VPS13B: variants seen among roughly 807,000 people sequenced by gnomAD.
VPS13B encodes the protein vacuolar protein sorting 13 homolog B.
A neutral mutation model predicts 426.4 loss-of-function variants in VPS13B; 285 were observed. The ratio of observed to expected loss-of-function variants is 0.67; its 90% CI spans 0.61 to 0.74. The LOEUF (loss-of-function observed/expected upper bound fraction) is 0.74. Ranked by LOEUF, VPS13B falls within the 30% of genes least tolerant of loss-of-function variation. VPS13B has a pLI of 0.00. For synonymous variants in VPS13B, 1,676 were observed against 1,676.4 expected (o/e 1.00, Z 0.01); for missense variants, 4,537 against 4,782.6 (o/e 0.95, Z 1.51).
intron 19 of VPS13B, among the ~76,000 whole-genome samples, chr8:99,362,775 A>G (rs1812640298): frequency 6.6e-6 from 1 of 152,226 alleles, no homozygotes; most frequent in Non-Finnish European, 1.5e-5. Context: ...TGCAACAAAC[A>G]TGGGAGTGCA....
chr8:99,533,898 A>C (rs1771905120), intron 30 of VPS13B, among the ~76,000 whole-genome samples: 1 of 152,064 alleles, frequency 6.6e-6, no homozygotes, highest in Admixed American at 6.6e-5. Context: ...TCCCCACAAA[A>C]CTGTTTCCTC....
chr8:99,251,943 T>C (rs1481926696), intron 17 of VPS13B, among the ~76,000 whole-genome samples: 2 of 151,892 alleles, frequency 1.3e-5, no homozygotes, highest in African/African-American at 4.8e-5. Flanking sequence ...ATTCCTTATA[T>C]TGGTAATTTA....
chr8:99,369,228 G>A (rs1481272239), intron 19 of VPS13B, among the ~76,000 whole-genome samples: 3 of 152,056 alleles, frequency 2.0e-5, no homozygotes, highest in African/African-American at 4.8e-5. Context: ...ACCTTGAGTC[G>A]CTAGCACAAT....
chr8:99,231,047 G>A (rs141404067), intron 17 of VPS13B, among the ~76,000 whole-genome samples: 4 of 152,298 alleles, frequency 2.6e-5, no homozygotes, highest in African/African-American at 9.6e-5. Context: ...TTAATTACAG[G>A]TAAGCATTCT....
chr8:99,147,953 T>G lies in VPS13B; in HGVS notation c.1956T>G (p.Ile652Met), dbSNP rs904064642. ...CTCTCCTCAAATGTACCTGCACAAT[T>G]TCCATGGCTGAATTCAACTTGCTGG... ...SVTLLKCTCTISMAEFNLLDH... is the reference protein window; with the variant it reads ...SVTLLKCTCTMSMAEFNLLDH... The change falls in exon 14 of 62, where the codon ATT becomes ATG. Residue 652 changes from isoleucine to methionine, a missense_variant. Around this residue, in one of 2 missense-constraint regions of VPS13B, gnomAD observed 4,311 missense variants for 4,474.3 expected, o/e 0.96. Coordinates refer to ENST00000357162, the MANE Select transcript of VPS13B (RefSeq NM_152564.5). 3.7e-6 allele frequency: 6 copies of G among 1,613,814 alleles called. No individual in the cohort carries two copies. The highest frequency in any genetic ancestry group is 5.1e-6 in the Non-Finnish European group (6 of 1,179,904).
At chr8:99,715,396 A>G (rs1346812861) in intron 36 of VPS13B, among the ~76,000 whole-genome samples, 1 of 152,168 alleles carries the variant, frequency 6.6e-6, no homozygotes, top group Non-Finnish European at 1.5e-5. Flanking sequence ...CTTCTCTTTC[A>G]CTCACTCATA....
At chr8:99,543,294 C>T (rs1301125555) in intron 30 of VPS13B, among the ~76,000 whole-genome samples, 2 of 152,126 alleles carry the variant, frequency 1.3e-5, no homozygotes, top group African/African-American at 4.8e-5. Flanking sequence ...TTCCTTACAC[C>T]TTATACAAAA....
rs371132719 is a variant in VPS13B, at chr8:99,615,065, C to T, written c.5221-26746C>T. 1.2e-4 allele frequency among the ~76,000 whole-genome samples: 18 copies of T among 144,060 alleles called. No individual in the cohort carries two copies. The South Asian group carries it at 2.6e-3, about 21-fold the overall frequency. The allele number at this position is 144,060 out of a possible 152,430, so 94.5% of individuals were successfully genotyped here. ...CCAGGAGGCGGAGGCTGCGGTGAGC[C>T]GAGATTGCGCCATTGCACTCCAGCC... On this transcript the variant is annotated intron_variant, in intron 33 of 61. Coordinates refer to ENST00000357162, the MANE Select transcript of VPS13B (RefSeq NM_152564.5).
intron 3 of VPS13B, among the ~76,000 whole-genome samples, chr8:99,068,661 A>T (rs1844681538): frequency 6.6e-6 from 1 of 152,200 alleles, no homozygotes; most frequent in South Asian, 2.1e-4. Context: ...GAAAACTTAC[A>T]ATTATGGCAG....
intron 2 of VPS13B, among the ~76,000 whole-genome samples, chr8:99,017,049 G>C (rs1228597803): frequency 6.6e-6 from 1 of 152,098 alleles, no homozygotes; most frequent in African/African-American, 2.4e-5. Context: ...TTCCCTTGTG[G>C]TTAGGGTTTT....
chr8:99,799,421 A>G (rs1813014671), intron 43 of VPS13B, among the ~76,000 whole-genome samples: 1 of 152,204 alleles, frequency 6.6e-6, no homozygotes, highest in African/African-American at 2.4e-5. Context: ...CTTACTGGGA[A>G]AGAAAACCAA....
chr8:99,832,415 G>C lies in VPS13B; in HGVS notation c.9377G>C (p.Gly3126Ala). 1 of 1,566,762 alleles carries C rather than the reference G, an allele frequency of 6.4e-7. No homozygotes were observed. The highest frequency in any genetic ancestry group is 8.6e-7 in the Non-Finnish European group (1 of 1,156,888). ...DSATFSICPG[G>A]EQPAMKSSSL... ...GCTACTTTTAGCATTTGCCCAGGTG[G>C]AGAGCAGCCTGCTATGAAATCCAGC... Residue 3126 changes from glycine to alanine, a missense_variant, in exon 52 of 62, where the codon GGA becomes GCA. Around this residue, in one of 2 missense-constraint regions of VPS13B, gnomAD observed 4,311 missense variants for 4,474.3 expected, o/e 0.96. Coordinates refer to ENST00000357162, the MANE Select transcript of VPS13B (RefSeq NM_152564.5).
At chr8:99,149,747 G>A (rs537741693) in intron 14 of VPS13B, among the ~76,000 whole-genome samples, 1 of 152,200 alleles carries the variant, frequency 6.6e-6, no homozygotes. Flanking sequence ...AGAAAGAGGT[G>A]AATGGCAGGT....
intron 35 of VPS13B, among the ~76,000 whole-genome samples, chr8:99,676,586 T>A (rs1830942746): frequency 6.6e-6 from 1 of 151,896 alleles, no homozygotes; most frequent in Admixed American, 6.6e-5. Context: ...AGGGGAGAGT[T>A]GACACAGAGA....
intron 33 of VPS13B, among the ~76,000 whole-genome samples, chr8:99,638,712 C>G (rs1036436853): frequency 2.6e-5 from 4 of 152,102 alleles, no homozygotes; most frequent in Admixed American, 2.6e-4. Flanking sequence ...ATGATCAGCC[C>G]ACAAGGTAGA....
intron 16 of VPS13B, among the ~76,000 whole-genome samples, chr8:99,172,810 G>A (rs1812417489): frequency 6.6e-6 from 1 of 152,108 alleles, no homozygotes; most frequent in Non-Finnish European, 1.5e-5. Context: ...CATTATCCCA[G>A]TTACTGAGTC....
intron 34 of VPS13B, among the ~76,000 whole-genome samples, chr8:99,657,206 C>G (rs1436770703): frequency 2.0e-5 from 3 of 152,166 alleles, no homozygotes; most frequent in African/African-American, 7.2e-5. Context: ...GGTCCTCTAA[C>G]TTGTGCCAAA....
At chr8:99,398,044 G>GA (rs1588330846) in intron 21 of VPS13B, among the ~76,000 whole-genome samples, 1 of 151,906 alleles carries the variant, frequency 6.6e-6, no homozygotes, top group African/African-American at 2.4e-5. Context: ...CTGAATTTTG[G>GA]AAAAAAATAG....
At chr8:99,672,034 T>C (rs1431415954) in intron 35 of VPS13B, among the ~76,000 whole-genome samples, 1 of 152,190 alleles carries the variant, frequency 6.6e-6, no homozygotes, top group East Asian at 1.9e-4. Context: ...TTATAGTATA[T>C]TTTTTGAAGT....
Sources: gnomAD v4.1 joint callset for allele counts (sites outside exome capture counted in the v4.1 genomes callset) on GRCh38, gnomAD v4.1.1 for gene constraint, gnomAD v4.1.1 regional missense constraint, MANE v1.5 for transcripts, NCBI Gene and HGNC (gene_info 2026-07-23, HGNC 2026-07-21) for gene names.